SOS2: variants seen among roughly 807,000 people sequenced by gnomAD.
SOS2 encodes son of sevenless homolog 2.
Under a neutral mutation model 148.2 loss-of-function variants are expected in SOS2, and 65 were observed. The observed-to-expected ratio is 0.44, with a 90% CI of 0.36 to 0.54. The LOEUF (loss-of-function observed/expected upper bound fraction) is 0.54. Among genes scored for constraint, SOS2 ranks in the 20% least tolerant of loss-of-function variants. The pLI is 0.00. For missense variants in SOS2, 1,341 were observed against 1,590.2 expected (o/e 0.84, Z 2.67); for synonymous variants, 539 against 537.1 (o/e 1.00, Z -0.05).
In SOS2 at chr14:50,138,755, C is replaced by T. The variant is rs1197202356; in HGVS notation, c.2815G>A (p.Glu939Lys). The change falls in exon 18 of 23, where the codon GAA (glutamate) becomes AAA (lysine). Residue 939 changes from glutamate (E) to lysine (K), a missense_variant. Physicochemically the swap from Glu to Lys is moderately conservative, Grantham distance 56 (BLOSUM62 1). Transcript: ENST00000216373. The stretch of plus-strand genomic sequence containing the variant: ...TTTAAAAAATCATTATTCCCTTCTT[C>T]GGTCTTCAGAATATTTGTTAAATAT... Reference protein sequence around the residue: ...GIYLTNILKTEEGNNDFLKKK... With the variant: ...GIYLTNILKTKEGNNDFLKKK... The T allele has an allele frequency of 1.9e-6, 2 of 1,050,172 alleles. No homozygotes were observed. Among genetic ancestry groups the T allele is most frequent in the South Asian group, 1.5e-5 (1 of 66,852 alleles). The allele number at this position is 1,050,172 out of a possible 1,614,324, so 65.1% of individuals were successfully genotyped here.
At chr14:50,220,951 G>A (rs1015312035) in intron 1 of SOS2, among the ~76,000 whole-genome samples, 17 of 152,130 alleles carry the variant, frequency 1.1e-4, no homozygotes, top group African/African-American at 3.9e-4. Flanking sequence ...TGTTCCAGTG[G>A]CAGATCATTT....
At chr14:50,180,288 G>C (rs1440770484) in intron 7 of SOS2, among the ~76,000 whole-genome samples, 4 of 148,444 alleles carry the variant, frequency 2.7e-5, no homozygotes. Flanking sequence ...CTAGGCATGA[G>C]TCACTGCACC....
intron 22 of SOS2, 58 bp from the exon 23 acceptor site, chr14:50,118,911 T>G: frequency 8.8e-7 from 1 of 1,134,350 alleles, no homozygotes; most frequent in Non-Finnish European, 1.2e-6. Context: ...AAAAAAAAAT[T>G]TTTAAGTCTG....
At position 50,122,391 on chromosome 14, in the gene SOS2, C is replaced by CTTTTTTTTTTTTTT. The variant is rs71118839; in HGVS notation, c.3380-2021_3380-2008dup. Among the ~76,000 whole-genome samples the CTTTTTTTTTTTTTT allele has an allele frequency of 3.4e-5, 3 of 88,292 alleles. 1 individual carries two copies. The highest frequency in any genetic ancestry group is 9.6e-5 in the African/African-American group (2 of 20,918). 57.9% of individuals were successfully genotyped at this position (88,292 alleles called of 152,430 possible). On this transcript the variant is annotated intron_variant, in intron 21 of 22. Transcript: ENST00000216373. ...ATGAAGAGTGAAAAAGAACCCTGGG[C>CTTTTTTTTTTTTTT]TTTTTTTTTTTTTTTTTTTTTTGAG... is the stretch of plus-strand genomic sequence containing the variant.
Position 50,193,899 on chromosome 14 carries a change from C to G in SOS2, c.511-5199G>C, listed in dbSNP as rs1886235731. On this transcript the variant is annotated intron_variant, in intron 4 of 22. Coordinates refer to ENST00000216373, the MANE Select transcript of SOS2 (RefSeq NM_006939.4). The stretch of plus-strand genomic sequence containing the variant: ...AGCTGGGATTATAGGCAATCGCCAC[C>G]ACGTCTGGACGATTTTTTGTATTTT... Among the ~76,000 whole-genome samples the G allele has an allele frequency of 2.0e-5, 3 of 152,172 alleles. No homozygotes were observed. The South Asian group carries it at 6.2e-4, about 32-fold the overall frequency.
chr14:50,138,545 T>A, intron 18 of SOS2, 67 bp downstream of exon 18: 1 of 693,584 alleles, frequency 1.4e-6, no homozygotes, highest in Non-Finnish European at 2.3e-6. Context: ...GTCTTATTCA[T>A]TCTATTTTTT....
chr14:50,150,033 T>A lies in SOS2; in HGVS notation c.2359A>T (p.Thr787Ser). ...LHPIEIARQL[T>S]LLESDLYRKV... ...CTGTAAAGATCAGACTCCAAAAGTGTCAGCTGACGTGCAATTTCTATTGGA... is the reference window on the plus strand; with the variant it reads ...CTGTAAAGATCAGACTCCAAAAGTGACAGCTGACGTGCAATTTCTATTGGA... The change falls in exon 14 of 23, where the codon ACA (threonine) becomes TCA (serine). Residue 787 changes from threonine to serine, a missense_variant. Physicochemically the swap from Thr to Ser is moderately conservative, Grantham distance 58. Transcript: ENST00000216373. 6.2e-7 allele frequency: 1 copy of A among 1,612,552 alleles called. No homozygotes were observed.
chr14:50,219,533 A>G (rs2139847990), intron 1 of SOS2, among the ~76,000 whole-genome samples: 1 of 152,248 alleles, frequency 6.6e-6, no homozygotes, highest in South Asian at 2.1e-4. Context: ...GAGAGTGGGG[A>G]GAAATAGGAG....
At chr14:50,173,960 A>G (rs1044645835) in intron 8 of SOS2, among the ~76,000 whole-genome samples, 2 of 151,972 alleles carry the variant, frequency 1.3e-5, no homozygotes, top group South Asian at 2.1e-4. Flanking sequence ...GTTTGACCAT[A>G]TAATTTAAAA....
intron 1 of SOS2, among the ~76,000 whole-genome samples, chr14:50,230,091 C>A (rs1735091818): frequency 6.6e-6 from 1 of 152,176 alleles, no homozygotes; most frequent in African/African-American, 2.4e-5. Context: ...AGCAATACTT[C>A]CTTGTAAGAA....
At chr14:50,120,520 AT>A in intron 21 of SOS2, 136 bp from the exon 22 acceptor site, 1 of 600,126 alleles carries the variant, frequency 1.7e-6, no homozygotes, top group South Asian at 2.0e-5. Context: ...CCCCCATTAA[AT>A]TGTAAGCTTT....
At chr14:50,176,695 T>G (rs187117972) in intron 7 of SOS2, among the ~76,000 whole-genome samples, 1 of 152,338 alleles carries the variant, frequency 6.6e-6, no homozygotes, top group Non-Finnish European at 1.5e-5. Flanking sequence ...AGAGATTAAG[T>G]GAATTGCTCA....
rs751933718 is a variant in SOS2, at chr14:50,153,178, T to C, written c.2058-5A>G. 1 of 1,534,156 alleles carries C rather than the reference T, an allele frequency of 6.5e-7. No homozygotes were observed. Among genetic ancestry groups the C allele is most frequent in the Non-Finnish European group, 9.0e-7 (1 of 1,115,724 alleles). Reference sequence around the variant, plus strand: ...TGCCGAAATACATTTAAGATCCTGATAAAATGGAAAGAAACACATTTTAGT... The same window carrying C: ...TGCCGAAATACATTTAAGATCCTGACAAAATGGAAAGAAACACATTTTAGT... On this transcript the variant is annotated splice_region_variant and splice_polypyrimidine_tract_variant and intron_variant, in intron 12 of 22. Transcript: ENST00000216373.
chr14:50,122,391 C>CTTTTTTTTTTT (rs71118839), intron 21 of SOS2, among the ~76,000 whole-genome samples: 8 of 88,308 alleles, frequency 9.1e-5, no homozygotes, highest in African/African-American at 3.3e-4. Context: ...GAACCCTGGG[C>CTTTTTTTTTTT]TTTTTTTTTT....
intron 1 of SOS2, among the ~76,000 whole-genome samples, chr14:50,217,673 T>C (rs1182139602): frequency 6.6e-6 from 1 of 152,126 alleles, no homozygotes. Context: ...TTTAAAACTT[T>C]TGGCCGGGTG....
Position 50,118,148 on chromosome 14 carries a change from ACTGATCAC to A in SOS2, c.*188_*195del. ...TGAGGATCCAAGACAAGGCAATGCT[ACTGATCAC>A]CTGAGGATAATGGTGAAGGACTTTT... On this transcript the variant is annotated 3_prime_UTR_variant, in exon 23 of 23. Transcript: ENST00000216373. 3.6e-6 allele frequency: 2 copies of A among 559,952 alleles called. No individual in the cohort carries two copies. The highest frequency in any genetic ancestry group is 3.1e-6 in the Non-Finnish European group (1 of 321,282). The allele number at this position is 559,952 out of a possible 1,614,324, so 34.7% of individuals were successfully genotyped here.
At chr14:50,228,334 C>T (rs755641648) in intron 1 of SOS2, among the ~76,000 whole-genome samples, 24 of 152,032 alleles carry the variant, frequency 1.6e-4, no homozygotes, top group Non-Finnish European at 3.2e-4. Flanking sequence ...TGAGCCACCA[C>T]GCCCACTGAG....
In SOS2 at chr14:50,161,798, T is replaced by TC. The variant is rs112699778; in HGVS notation, c.1069-190_1069-189insG. On this transcript the variant is annotated intron_variant, in intron 8 of 22. Coordinates refer to ENST00000216373, the MANE Select transcript of SOS2 (RefSeq NM_006939.4). ...CCAACCCTTTTTCTTTCTTTTTTTT[T>TC]TTTTTTTTTGAAACAGGATCTCACT... Among the ~76,000 whole-genome samples, 29,731 of 149,302 alleles carry TC rather than the reference T, an allele frequency of 0.2. 3,187 individuals carry two copies. Among genetic ancestry groups the TC allele is most frequent in the East Asian group, 0.45 (2,314 of 5,128 alleles).
chr14:50,118,076 G>C lies in SOS2; in HGVS notation c.*268C>G. The C allele has an allele frequency of 2.7e-6, 1 of 374,942 alleles. No individual in the cohort carries two copies. Among genetic ancestry groups the C allele is most frequent in the Non-Finnish European group, 4.8e-6 (1 of 208,976 alleles). 23.2% of individuals were successfully genotyped at this position (374,942 alleles called of 1,614,324 possible). Reference sequence around the variant, plus strand: ...TCACTTTAAACCATATTTTTGCAGAGTTTACAGTGCAAATATAAATTCTTT... The same window carrying C: ...TCACTTTAAACCATATTTTTGCAGACTTTACAGTGCAAATATAAATTCTTT... On this transcript the variant is annotated 3_prime_UTR_variant, in exon 23 of 23. Transcript: ENST00000216373.
Sources: gnomAD v4.1 joint callset for allele counts (sites outside exome capture counted in the v4.1 genomes callset) on GRCh38, gnomAD v4.1.1 for gene constraint, MANE v1.5 for transcripts, NCBI Gene and HGNC (gene_info 2026-07-23, HGNC 2026-07-21) for gene names.